Variants in LCK observed in about 807,000 individuals in gnomAD.
LCK encodes the protein LCK proto-oncogene, Src family tyrosine kinase.
LCK carries 14 observed loss-of-function variants against 64.6 expected under a neutral mutation model. The ratio of observed to expected loss-of-function variants is 0.22; its 90% CI spans 0.14 to 0.34. The LOEUF is 0.34. LCK is among the 10% of genes least tolerant of loss of function. LCK has a pLI of 1.00. For synonymous variants in LCK, 277 were observed against 263.6 expected (o/e 1.05, Z -0.49); for missense variants, 434 against 668.1 (o/e 0.65, Z 3.86).
At chr1:32,268,670 G>A (rs764493016) in intron 1 of LCK, among the ~76,000 whole-genome samples, 8 of 150,560 alleles carry the variant, frequency 5.3e-5, no homozygotes, top group East Asian at 2.0e-4. Context: ...AAAATTAGCC[G>A]GGCGTGGTGG....
At chr1:32,269,508 A>T (rs1363810094) in intron 1 of LCK, 12 of 151,676 alleles carry the variant, frequency 7.9e-5, no homozygotes, top group African/African-American at 2.9e-4. Context: ...GTCTCAGCTC[A>T]CTGCAACCTC....
chr1:32,254,247 A>C (rs1248999122), intron 1 of LCK, among the ~76,000 whole-genome samples: 1 of 152,174 alleles, frequency 6.6e-6, no homozygotes, highest in Admixed American at 6.5e-5. Flanking sequence ...GGCAGAGTGC[A>C]GTGGCTCACG....
chr1:32,284,488 G>A (rs1221296421), intron 12 of LCK, among the ~76,000 whole-genome samples: 1 of 151,848 alleles, frequency 6.6e-6, no homozygotes, highest in African/African-American at 2.4e-5. Flanking sequence ...CTGTGACTCA[G>A]CCTCCCAAAT....
At position 32,274,904 on chromosome 1, in the gene LCK, C is replaced by G. The variant is rs760961393; in HGVS notation, c.187+86C>G. 1.9e-5 allele frequency: 31 copies of G among 1,613,782 alleles called. No homozygotes were observed. The African/African-American group carries it at 3.3e-4, about 17-fold the overall frequency. ...ACCTCTCCCCCACCTACTTTCTCCC[C>G]GGTCTTGCCTTCCTTGTCCCCCACC... On this transcript the variant is annotated intron_variant, in intron 3 of 12. Transcript: ENST00000336890.
rs868401007 is a variant in LCK at position 32,275,619 on chromosome 1, C to A, written c.428C>A (p.Ala143Glu). ...AAGGACGCGGAGCGGCAGCTCCTGG[C>A]GCCCGGGAACACTCACGGCTCCTTC... ...SRKDAERQLLAPGNTHGSFLI... is the reference protein window; with the variant it reads ...SRKDAERQLLEPGNTHGSFLI... The change falls in exon 6 of 13, where the codon GCG becomes GAG. Residue 143 changes from alanine (A) to glutamate (E), a missense_variant. Physicochemically the swap from Ala to Glu is moderately radical, Grantham distance 107. Around this residue, in one of 2 missense-constraint regions of LCK, gnomAD observed 233 missense variants for 291.2 expected, o/e 0.80. Coordinates refer to ENST00000336890, the MANE Select transcript of LCK (RefSeq NM_005356.5). The surrounding 1 kb of genome is among the most constrained non-coding windows in gnomAD (Gnocchi z 6.9). The A allele has an allele frequency of 1.9e-6, 3 of 1,573,424 alleles. No homozygotes were observed. Among genetic ancestry groups the A allele is most frequent in the African/African-American group, 1.3e-5 (1 of 74,256 alleles).
rs536916699 is a variant in LCK, at chr1:32,276,086, C to G, written c.631+23C>G. 5 of 1,613,254 alleles carry G rather than the reference C, an allele frequency of 3.1e-6. No individual in the cohort carries two copies. Among genetic ancestry groups the G allele is most frequent in the Non-Finnish European group, 4.2e-6 (5 of 1,179,708 alleles). On this transcript the variant is annotated intron_variant, in intron 7 of 12. Coordinates refer to ENST00000336890, the MANE Select transcript of LCK (RefSeq NM_005356.5). The surrounding 1 kb of genome is among the most constrained non-coding windows in gnomAD (Gnocchi z 4.6). ...CCAGTGAGCCCGACGGGACCCCTCC[C>G]CCGTGCCCTATCAGCCTATCTCCCC...
rs1640218783 is a variant in LCK at position 32,275,176 on chromosome 1, G to T, written c.278+93G>T. ...CTCCTGCGGCCCTTGACCAGCTCGG[G>T]GTGGCCGCCCTTGGGACAAAATTCG... is the stretch of plus-strand genomic sequence containing the variant. On this transcript the variant is annotated intron_variant, in intron 4 of 12. Transcript: ENST00000336890. This position sits in a 1 kb window ranked among gnomAD's most constrained non-coding sequence, Gnocchi z 6.9. 1.4e-6 allele frequency: 2 copies of T among 1,473,258 alleles called. No individual in the cohort carries two copies. The highest frequency in any genetic ancestry group is 1.2e-5 in the South Asian group (1 of 84,612). 91.3% of individuals were successfully genotyped at this position (1,473,258 alleles called of 1,614,324 possible).
Position 32,275,491 on chromosome 1 carries a change from G to A in LCK, c.377+72G>A. 1 of 1,574,922 alleles carries A rather than the reference G, an allele frequency of 6.3e-7. No individual in the cohort carries two copies. Among genetic ancestry groups the A allele is most frequent in the Non-Finnish European group, 8.7e-7 (1 of 1,153,316 alleles). ...TCCTGGAGCAGGGAGTAGGCCTGGG[G>A]TGGCGGTGAAGGCTTGAGGGCCACG... On this transcript the variant is annotated intron_variant, in intron 5 of 12. Transcript: ENST00000336890. The surrounding 1 kb of genome is among the most constrained non-coding windows in gnomAD (Gnocchi z 6.9).
Position 32,285,606 on chromosome 1 carries a change from A to T in LCK, c.1420A>T (p.Arg474Trp), listed in dbSNP as rs753244013. ...NCPEELYQLM[R>W]LCWKERPEDR... ...TCCAGAGGAGCTGTACCAACTCATG[A>T]GGCTGTGCTGGAAGGAGCGCCCAGA... is the stretch of plus-strand genomic sequence containing the variant. Residue 474 changes from arginine (R) to tryptophan (W), a missense_variant, in exon 13 of 13, where the codon AGG becomes TGG. By Grantham distance (101) the Arg-to-Trp change is moderately radical. Around this residue, in one of 2 missense-constraint regions of LCK, gnomAD observed 201 missense variants for 376.9 expected, o/e 0.53. Transcript: ENST00000336890. The T allele has an allele frequency of 6.2e-7, 1 of 1,614,212 alleles. No homozygotes were observed. Among genetic ancestry groups the T allele is most frequent in the South Asian group, 1.1e-5 (1 of 91,088 alleles).
chr1:32,279,526 C>A, intron 9 of LCK, 145 bp from the exon 10 acceptor site: 5 of 1,524,876 alleles, frequency 3.3e-6, no homozygotes, highest in South Asian at 1.2e-5. Context: ...GGCATCCTTA[C>A]CCTGAACACA....
At chr1:32,274,669 G>GTTC in intron 2 of LCK, 68 bp from the exon 3 acceptor site, 1 of 1,303,798 alleles carries the variant, frequency 7.7e-7, no homozygotes, top group Non-Finnish European at 1.1e-6. Context: ...GCAGAGCAGG[G>GTTC]GGGAAGGGGG....
chr1:32,262,887 A>C (rs1182806632), intron 1 of LCK, among the ~76,000 whole-genome samples: 5 of 150,764 alleles, frequency 3.3e-5, no homozygotes, highest in Non-Finnish European at 5.9e-5. Context: ...AAAAAAAAAA[A>C]CAGATGAAAG....
intron 12 of LCK, among the ~76,000 whole-genome samples, chr1:32,284,963 C>T (rs1217548389): frequency 6.6e-6 from 1 of 152,146 alleles, no homozygotes; most frequent in Non-Finnish European, 1.5e-5. Flanking sequence ...CTGCTGCACT[C>T]CAGCCTGGGC....
chr1:32,260,800 T>C (rs1251432084), intron 1 of LCK, among the ~76,000 whole-genome samples: 1 of 151,864 alleles, frequency 6.6e-6, no homozygotes, highest in East Asian at 2.0e-4. Flanking sequence ...TTTTGTATTT[T>C]TTGTAGAGAT....
chr1:32,283,288 CAAAAAAAAAAAAA>C (rs888361880), intron 12 of LCK, among the ~76,000 whole-genome samples: 1 of 53,734 alleles, frequency 1.9e-5, no homozygotes, highest in African/African-American at 6.7e-5. Context: ...GACTCTGTCT[CAAAAAAAAAAAAA>C]AAAAAAAAAA....
Position 32,285,913 on chromosome 1 carries a change from G to A in LCK, c.*197G>A, listed in dbSNP as rs1465826675. The stretch of plus-strand genomic sequence containing the variant: ...TGGACTCTGCACATGTCTTGTACAT[G>A]TGTAGCCTGTGCATGTATGTCTTGG... On this transcript the variant is annotated 3_prime_UTR_variant, in exon 13 of 13. Transcript: ENST00000336890. The A allele has an allele frequency of 6.5e-6, 4 of 614,776 alleles. No homozygotes were observed. The highest frequency in any genetic ancestry group is 1.2e-5 in the Non-Finnish European group (4 of 347,300). 38.1% of individuals were successfully genotyped at this position (614,776 alleles called of 1,614,324 possible). A position where few individuals can be genotyped will look rare whatever the true frequency, so the allele number is the denominator to read the frequency against.
intron 1 of LCK, among the ~76,000 whole-genome samples, chr1:32,258,820 A>C (rs1229198918): frequency 6.6e-6 from 1 of 150,780 alleles, no homozygotes; most frequent in Non-Finnish European, 1.5e-5. Flanking sequence ...AAAAAAAAAA[A>C]AAACCCAGCC....
chr1:32,273,705 G>T (rs1640172729), intron 1 of LCK, among the ~76,000 whole-genome samples: 1 of 152,030 alleles, frequency 6.6e-6, no homozygotes, highest in South Asian at 2.1e-4. Flanking sequence ...CAAAAAAAAA[G>T]TTATGGCCAA....
intron 1 of LCK, among the ~76,000 whole-genome samples, chr1:32,265,977 G>C (rs1351723610): frequency 1.3e-5 from 2 of 152,088 alleles, no homozygotes; most frequent in African/African-American, 4.8e-5. Flanking sequence ...TTTGAGACAG[G>C]GTGTTGCTCT....
Sources: gnomAD v4.1 joint callset for allele counts (sites outside exome capture counted in the v4.1 genomes callset) on GRCh38, gnomAD v4.1.1 for gene constraint, gnomAD v4.1.1 regional missense constraint, Gnocchi (gnomAD v3.1) non-coding constraint, MANE v1.5 for transcripts, NCBI Gene and HGNC (gene_info 2026-07-23, HGNC 2026-07-21) for gene names.